SLC4A10: variants seen among roughly 807,000 people sequenced by gnomAD.
SLC4A10 encodes solute carrier family 4 member 10, also known as sodium-driven chloride bicarbonate exchanger.
A neutral mutation model predicts 137.7 loss-of-function variants in SLC4A10; 42 were observed. That is an observed-to-expected ratio of 0.30 (90% CI 0.24 to 0.39). The LOEUF (loss-of-function observed/expected upper bound fraction) is 0.39, where lower values mean the gene tolerates loss of function less well. Ranked by LOEUF, SLC4A10 falls within the 10% of genes least tolerant of loss-of-function variation. The pLI is 1.00. For missense variants in SLC4A10, 925 were observed against 1,355.0 expected, an observed-to-expected ratio of 0.68 and a Z score of 4.98; for synonymous variants, 474 against 464.1, an observed-to-expected ratio of 1.02 and a Z score of -0.27.
chr2:161,624,653 T>C (rs2031897284), intron 1 of SLC4A10, 87 bp downstream of exon 1: 1 of 1,538,010 alleles, frequency 6.5e-7, no homozygotes, highest in Non-Finnish European at 8.8e-7. Flanking sequence ...GTGCAGCGAG[T>C]GTACTTTTGG....
At chr2:161,746,562 A>T (rs1217684136) in intron 1 of SLC4A10, among the ~76,000 whole-genome samples, 1 of 151,526 alleles carries the variant, frequency 6.6e-6, no homozygotes, top group Non-Finnish European at 1.5e-5. Context: ...TTTAGGAGTC[A>T]GCTTCGTGCT....
chr2:161,902,292 TA>T, intron 12 of SLC4A10: 1 of 184,178 alleles, frequency 5.4e-6, no homozygotes, highest in South Asian at 9.2e-5. Context: ...TGGTCTAATA[TA>T]AAGTGCTTTC....
At chr2:161,778,877 G>T (rs1167121884) in intron 2 of SLC4A10, among the ~76,000 whole-genome samples, 1 of 151,860 alleles carries the variant, frequency 6.6e-6, no homozygotes, top group East Asian at 1.9e-4. Context: ...TTGCATTTGG[G>T]CAAAAAGAAT....
At chr2:161,835,702 T>A (rs1459919450) in intron 3 of SLC4A10, among the ~76,000 whole-genome samples, 1 of 152,196 alleles carries the variant, frequency 6.6e-6, no homozygotes, top group Admixed American at 6.5e-5. Flanking sequence ...TTTTTATGGA[T>A]GATAGGATTG....
chr2:161,908,244 G>A (rs1039968958), intron 15 of SLC4A10, among the ~76,000 whole-genome samples: 1 of 152,076 alleles, frequency 6.6e-6, no homozygotes, highest in Non-Finnish European at 1.5e-5. Context: ...CTTTAGAGAG[G>A]ACAGTGGCAT....
rs1221685728 is a variant in SLC4A10, at chr2:161,831,225, C to A, written c.278-8564C>A. Among the ~76,000 whole-genome samples the A allele has an allele frequency of 3.9e-5, 6 of 152,100 alleles. No individual in the cohort carries two copies. The South Asian group carries it at 6.2e-4, about 16-fold the overall frequency. On this transcript the variant is annotated intron_variant, in intron 3 of 26. Transcript: ENST00000446997. ...TTATCATTGTGTGTTTATTTTTCAC[C>A]TTTGCCCTCTGAAATACTCTCAATT... is the stretch of plus-strand genomic sequence containing the variant.
At chr2:161,661,527 G>A (rs575397351) in intron 1 of SLC4A10, among the ~76,000 whole-genome samples, 1 of 152,344 alleles carries the variant, frequency 6.6e-6, no homozygotes, top group African/African-American at 2.4e-5. Context: ...TGAATGAGTG[G>A]AAGTCTTTCT....
At chr2:161,756,135 G>T (rs1037440047) in intron 1 of SLC4A10, among the ~76,000 whole-genome samples, 1 of 151,994 alleles carries the variant, frequency 6.6e-6, no homozygotes, top group Admixed American at 6.6e-5. Context: ...TTTTGATGGT[G>T]TACTTTTAAG....
intron 3 of SLC4A10, among the ~76,000 whole-genome samples, chr2:161,812,710 A>T (rs1459043899): frequency 6.6e-6 from 1 of 152,034 alleles, no homozygotes; most frequent in Non-Finnish European, 1.5e-5. Flanking sequence ...CATTCTTTTT[A>T]TGGCTGCACA....
intron 3 of SLC4A10, among the ~76,000 whole-genome samples, chr2:161,806,847 C>A (rs960740540): frequency 6.6e-6 from 1 of 152,148 alleles, no homozygotes; most frequent in African/African-American, 2.4e-5. Context: ...AAGTCACTTC[C>A]ACATTTTCAG....
intron 1 of SLC4A10, among the ~76,000 whole-genome samples, chr2:161,655,883 G>A (rs1035382238): frequency 2.7e-5 from 4 of 150,458 alleles, no homozygotes; most frequent in Non-Finnish European, 5.9e-5. Context: ...GTATGATCTC[G>A]GGGCAGTGCA....
chr2:161,783,344 T>G (rs1458586201), intron 2 of SLC4A10, among the ~76,000 whole-genome samples: 2 of 151,598 alleles, frequency 1.3e-5, no homozygotes, highest in Non-Finnish European at 2.9e-5. Context: ...CCACCAGACC[T>G]CCCTACAAAA....
At chr2:161,788,971 C>T (rs1272451842) in intron 2 of SLC4A10, among the ~76,000 whole-genome samples, 1 of 152,150 alleles carries the variant, frequency 6.6e-6, no homozygotes, top group African/African-American at 2.4e-5. Context: ...TGCAGCTCCC[C>T]AGAGACCCGC....
intron 4 of SLC4A10, among the ~76,000 whole-genome samples, chr2:161,844,604 G>A (rs2059383496): frequency 6.6e-6 from 1 of 152,056 alleles, no homozygotes; most frequent in Non-Finnish European, 1.5e-5. Flanking sequence ...TGGGTAGAAT[G>A]AGAGGATTAA....
intron 1 of SLC4A10, among the ~76,000 whole-genome samples, chr2:161,757,846 A>C (rs531563392): frequency 2.6e-5 from 4 of 152,150 alleles, no homozygotes; most frequent in Non-Finnish European, 5.9e-5. Flanking sequence ...CAATAAATGA[A>C]GTTCTTCTAA....
intron 1 of SLC4A10, among the ~76,000 whole-genome samples, chr2:161,739,240 C>T (rs1289407450): frequency 6.6e-6 from 1 of 152,122 alleles, no homozygotes; most frequent in Non-Finnish European, 1.5e-5. Context: ...TCCAGATTAA[C>T]CAGAAAAATG....
chr2:161,690,523 G>A (rs1044815273), intron 1 of SLC4A10, among the ~76,000 whole-genome samples: 2 of 152,064 alleles, frequency 1.3e-5, no homozygotes, highest in African/African-American at 2.4e-5. Flanking sequence ...ATTCACAATA[G>A]CAAAGACATG....
chr2:161,677,723 G>A lies in SLC4A10; in HGVS notation c.48+53157G>A, dbSNP rs574974897. Among the ~76,000 whole-genome samples, 25 of 152,252 alleles carry A rather than the reference G, an allele frequency of 1.6e-4. No homozygotes were observed. In the South Asian group the frequency reaches 3.1e-3, roughly 19 times the overall value. On this transcript the variant is annotated intron_variant, in intron 1 of 26. Transcript: ENST00000446997. ...AATCTTCAAAATAAGTCATGTGATA[G>A]GTTCTGTTACTATGTTTACTTTATA... is the stretch of plus-strand genomic sequence containing the variant.
intron 3 of SLC4A10, among the ~76,000 whole-genome samples, chr2:161,835,283 C>T (rs765352530): frequency 6.6e-6 from 1 of 152,118 alleles, no homozygotes; most frequent in Non-Finnish European, 1.5e-5. Context: ...GTGATCCGTC[C>T]ACCTCGGCCT....
Sources: allele counts gnomAD v4.1 joint callset (sites outside exome capture counted in the v4.1 genomes callset), GRCh38; gene constraint gnomAD v4.1.1; transcripts MANE v1.5; gene names NCBI Gene and HGNC (gene_info 2026-07-23, HGNC 2026-07-21).